The following ANKS1B variants were observed in gnomAD, a reference collection of about 807,000 sequenced individuals.
ANKS1B encodes ankyrin repeat and sterile alpha motif domain containing 1B.
Under a neutral mutation model 148.3 loss-of-function variants are expected in ANKS1B, and 36 were observed. The ratio of observed to expected loss-of-function variants is 0.24; its 90% CI spans 0.19 to 0.32. The LOEUF (loss-of-function observed/expected upper bound fraction) is 0.32, where lower values mean the gene tolerates loss of function less well. Ranked by LOEUF, ANKS1B falls within the 10% of genes least tolerant of loss-of-function variation. The probability of loss-of-function intolerance (pLI) is 1.00; values close to 1 mark genes in which losing one functional copy is unlikely to be tolerated. For synonymous variants in ANKS1B, 542 were observed against 560.8 expected (o/e 0.97, Z 0.47); for missense variants, 1,157 against 1,542.6 (o/e 0.75, Z 4.19).
chr12:99,882,126 C>T (rs1019450068), intron 1 of ANKS1B, among the ~76,000 whole-genome samples: 3 of 152,136 alleles, frequency 2.0e-5, no homozygotes, highest in African/African-American at 7.2e-5. Context: ...AATAGCAAAA[C>T]TTTGAAAACT....
intron 17 of ANKS1B, among the ~76,000 whole-genome samples, chr12:98,986,994 A>T (rs945964773): frequency 6.6e-6 from 1 of 151,998 alleles, no homozygotes; most frequent in Non-Finnish European, 1.5e-5. Flanking sequence ...CTTAAGTATA[A>T]TTTTTTTGAT....
chr12:99,713,812 T>C (rs1441648155), intron 8 of ANKS1B, among the ~76,000 whole-genome samples: 2 of 152,184 alleles, frequency 1.3e-5, no homozygotes, highest in Admixed American at 1.3e-4. Flanking sequence ...AAATCTAGGC[T>C]TTTCTATCAT....
intron 15 of ANKS1B, among the ~76,000 whole-genome samples, chr12:99,132,592 T>C (rs905032585): frequency 6.6e-6 from 1 of 152,042 alleles, no homozygotes; most frequent in Non-Finnish European, 1.5e-5. Context: ...GTAGTGAAAG[T>C]CAACAAACAT....
intron 17 of ANKS1B, among the ~76,000 whole-genome samples, chr12:98,864,649 C>T (rs527549153): frequency 2.6e-5 from 4 of 152,336 alleles, no homozygotes; most frequent in Admixed American, 6.5e-5. Flanking sequence ...TGCCAGCCTC[C>T]ATAACTGCAT....
At chr12:99,815,959 C>T (rs1565783789) in intron 2 of ANKS1B, among the ~76,000 whole-genome samples, 1 of 151,774 alleles carries the variant, frequency 6.6e-6, no homozygotes, top group Non-Finnish European at 1.5e-5. Context: ...GTGCATGTGT[C>T]TTTTTCATAT....
At chr12:99,756,945 CT>C (rs2061623940) in intron 8 of ANKS1B, among the ~76,000 whole-genome samples, 1 of 151,396 alleles carries the variant, frequency 6.6e-6, no homozygotes, top group Admixed American at 6.6e-5. Context: ...CAAAAATTAA[CT>C]CAAGATGGAT....
intron 8 of ANKS1B, among the ~76,000 whole-genome samples, chr12:99,746,695 A>C (rs1299151688): frequency 6.6e-6 from 1 of 152,160 alleles, no homozygotes; most frequent in African/African-American, 2.4e-5. Context: ...GGATGGCTGT[A>C]AATGACTGTA....
At chr12:99,642,678 G>A (rs189695733) in intron 9 of ANKS1B, among the ~76,000 whole-genome samples, 4 of 152,134 alleles carry the variant, frequency 2.6e-5, no homozygotes, top group East Asian at 1.9e-4. Flanking sequence ...TTAGCTGGGC[G>A]TGGTGATGCA....
At chr12:99,850,121 T>C (rs564475635) in intron 1 of ANKS1B, among the ~76,000 whole-genome samples, 11 of 152,114 alleles carry the variant, frequency 7.2e-5, no homozygotes, top group Non-Finnish European at 1.3e-4. Context: ...TAACAGAAAT[T>C]GGAAAAATAC....
intron 1 of ANKS1B, among the ~76,000 whole-genome samples, chr12:99,860,578 T>C (rs1313005267): frequency 6.6e-6 from 1 of 152,188 alleles, no homozygotes; most frequent in Non-Finnish European, 1.5e-5. Context: ...GGAGGATGGG[T>C]TCAAAGTGTG....
intron 19 of ANKS1B, among the ~76,000 whole-genome samples, chr12:98,822,790 C>T (rs2099209664): frequency 6.6e-6 from 1 of 152,074 alleles, no homozygotes; most frequent in Non-Finnish European, 1.5e-5. Context: ...TCTTGATGAC[C>T]TTGACAGGGA....
At chr12:98,973,213 CAA>C (rs534303391) in intron 17 of ANKS1B, among the ~76,000 whole-genome samples, 6 of 102,994 alleles carry the variant, frequency 5.8e-5, no homozygotes, top group Admixed American at 9.0e-5. Flanking sequence ...AAACGAAATG[CAA>C]AAAAAAAAAA....
At chr12:99,515,539 T>C (rs2096809316) in intron 9 of ANKS1B, among the ~76,000 whole-genome samples, 1 of 152,148 alleles carries the variant, frequency 6.6e-6, no homozygotes, top group South Asian at 2.1e-4. Flanking sequence ...TACTCTGCTG[T>C]GTATAAGTAC....
At chr12:98,943,945 C>T (rs1057342161) in intron 17 of ANKS1B, among the ~76,000 whole-genome samples, 1 of 152,148 alleles carries the variant, frequency 6.6e-6, no homozygotes, top group Non-Finnish European at 1.5e-5. Flanking sequence ...AATGGCTTAG[C>T]GCCATCCCCT....
intron 9 of ANKS1B, among the ~76,000 whole-genome samples, chr12:99,531,446 G>A (rs951710688): frequency 3.3e-5 from 5 of 152,100 alleles, no homozygotes; most frequent in African/African-American, 1.2e-4. Context: ...CCAATTATAA[G>A]TAGGAATATG....
intron 12 of ANKS1B, among the ~76,000 whole-genome samples, chr12:99,365,830 T>C (rs2092734304): frequency 2.0e-5 from 3 of 152,052 alleles, no homozygotes; most frequent in Admixed American, 2.0e-4. Context: ...AAGAGTTCCT[T>C]GGAGGTTTGA....
At chr12:99,362,321 T>A (rs1049429163) in intron 12 of ANKS1B, among the ~76,000 whole-genome samples, 1 of 152,050 alleles carries the variant, frequency 6.6e-6, no homozygotes, top group Non-Finnish European at 1.5e-5. Flanking sequence ...TCTTTACATA[T>A]ATTATCTCAT....
At chr12:99,010,714 G>A (rs1409619037) in intron 17 of ANKS1B, among the ~76,000 whole-genome samples, 2 of 151,266 alleles carry the variant, frequency 1.3e-5, no homozygotes, top group South Asian at 2.1e-4. Flanking sequence ...AATGGTACAG[G>A]CAGATTAAGA....
chr12:99,391,305 C>T (rs899936294), intron 12 of ANKS1B, among the ~76,000 whole-genome samples: 4 of 152,166 alleles, frequency 2.6e-5, no homozygotes, highest in Non-Finnish European at 5.9e-5. Context: ...AGGATAAATA[C>T]CAAAATCCTG....
Sources: allele counts gnomAD v4.1 joint callset (sites outside exome capture counted in the v4.1 genomes callset), GRCh38; gene constraint gnomAD v4.1.1; transcripts MANE v1.5; gene names NCBI Gene and HGNC (gene_info 2026-07-23, HGNC 2026-07-21).